NAV2: variants seen among roughly 807,000 people sequenced by gnomAD.
The protein encoded by NAV2 is neuron navigator 2.
NAV2 carries 54 observed loss-of-function variants against 223.2 expected under a neutral mutation model. The observed-to-expected ratio is 0.24, with a 90% confidence interval of 0.19 to 0.30. NAV2 has a LOEUF of 0.30. Ranked by LOEUF, NAV2 falls within the 10% of genes least tolerant of loss-of-function variation. The probability of loss-of-function intolerance (pLI) is 1.00; values close to 1 mark genes in which losing one functional copy is unlikely to be tolerated. For synonymous variants in NAV2, 1,279 were observed against 1,239.3 expected (o/e 1.03, Z -0.67); for missense variants, 2,806 against 3,147.5 (o/e 0.89, Z 2.60).
chr11:19,942,535 A>G (rs2046486229), intron 8 of NAV2, among the ~76,000 whole-genome samples: 1 of 152,226 alleles, frequency 6.6e-6, no homozygotes. Flanking sequence ...CATTGCCACA[A>G]TTTAAATATT....
intron 6 of NAV2, among the ~76,000 whole-genome samples, chr11:19,912,063 C>T (rs1472147223): frequency 1.3e-5 from 2 of 152,196 alleles, no homozygotes; most frequent in African/African-American, 4.8e-5. Flanking sequence ...TACTAGGTTA[C>T]ATCCTGACTT....
At chr11:19,743,785 A>C (rs1446030798) in intron 1 of NAV2, among the ~76,000 whole-genome samples, 1 of 152,252 alleles carries the variant, frequency 6.6e-6, no homozygotes. Context: ...TCATCCCGGC[A>C]GCTTCTCACT....
chr11:20,102,452 A>G (rs2061706503), intron 32 of NAV2, among the ~76,000 whole-genome samples: 1 of 152,054 alleles, frequency 6.6e-6, no homozygotes, highest in Non-Finnish European at 1.5e-5. Flanking sequence ...CTCTCAGGCC[A>G]GGCACCTTAT....
chr11:19,970,654 A>G (rs1251506420), intron 10 of NAV2, among the ~76,000 whole-genome samples: 1 of 152,186 alleles, frequency 6.6e-6, no homozygotes, highest in Non-Finnish European at 1.5e-5. Flanking sequence ...GCACAAGAAG[A>G]AAGACAAGCC....
intron 6 of NAV2, among the ~76,000 whole-genome samples, chr11:19,926,341 T>A (rs2044748909): frequency 6.6e-6 from 1 of 152,178 alleles, no homozygotes; most frequent in African/African-American, 2.4e-5. Flanking sequence ...CCATTCTTTG[T>A]TTGTCCTCGT....
chr11:20,017,553 TA>T (rs2054117581), intron 11 of NAV2, among the ~76,000 whole-genome samples: 1 of 152,236 alleles, frequency 6.6e-6, no homozygotes, highest in Non-Finnish European at 1.5e-5. Context: ...GTAACATCCA[TA>T]ATGATTTTGC....
intron 11 of NAV2, among the ~76,000 whole-genome samples, chr11:20,014,035 A>G (rs986836478): frequency 2.0e-5 from 3 of 152,234 alleles, no homozygotes; most frequent in Non-Finnish European, 4.4e-5. Context: ...TGAGGGCTGC[A>G]TGACCGGGGC....
In NAV2 at chr11:19,643,132, A is replaced by C. The variant is rs1249424658; in HGVS notation, c.76-189352A>C. Among the ~76,000 whole-genome samples the C allele has an allele frequency of 3.9e-5, 6 of 152,256 alleles. No individual in the cohort carries two copies. In the South Asian group the frequency reaches 1.2e-3, roughly 32 times the overall value. Reference sequence around the variant, plus strand: ...ATCCTATACACAATTATATATATACATGCCACAGGATGGATGTATTTGCTC... The same window carrying C: ...ATCCTATACACAATTATATATATACCTGCCACAGGATGGATGTATTTGCTC... On this transcript the variant is annotated intron_variant, in intron 1 of 37. Coordinates refer to the NAV2 transcript ENST00000360655.
At chr11:20,103,017 A>C (rs547820235) in intron 32 of NAV2, among the ~76,000 whole-genome samples, 102 of 152,278 alleles carry the variant, frequency 6.7e-4, no homozygotes, top group African/African-American at 2.3e-3. Flanking sequence ...GTTTCCACTC[A>C]TCAGGTGAAT....
intron 1 of NAV2, among the ~76,000 whole-genome samples, chr11:19,801,561 G>A (rs975916126): frequency 1.3e-5 from 2 of 152,190 alleles, no homozygotes; most frequent in Non-Finnish European, 2.9e-5. Flanking sequence ...CCACCTGAAA[G>A]TGGAAGTATA....
intron 11 of NAV2, among the ~76,000 whole-genome samples, chr11:20,030,015 T>G (rs943635093): frequency 2.6e-5 from 4 of 152,240 alleles, no homozygotes; most frequent in Non-Finnish European, 4.4e-5. Flanking sequence ...TGTGATAGGC[T>G]GTCTTAAAAT....
chr11:19,755,720 T>C (rs1376489466), intron 1 of NAV2, among the ~76,000 whole-genome samples: 1 of 152,246 alleles, frequency 6.6e-6, no homozygotes, highest in African/African-American at 2.4e-5. Context: ...AGCCTTGTTA[T>C]AAGGACACCA....
At chr11:19,968,184 A>T (rs10741806) in intron 10 of NAV2, among the ~76,000 whole-genome samples, 98,713 of 151,810 alleles carry the variant, frequency 0.65, 32,919 homozygotes, top group Middle Eastern at 0.76. Context: ...GTTGTTGTTG[A>T]TGTAGTTTTG....
At chr11:19,607,257 G>C (rs1234133461) in intron 1 of NAV2, among the ~76,000 whole-genome samples, 1 of 152,194 alleles carries the variant, frequency 6.6e-6, no homozygotes, top group East Asian at 1.9e-4. Flanking sequence ...TTCTTTCTCA[G>C]ATCTTCCACT....
At chr11:19,382,352 G>A (rs1848873331) in intron 1 of NAV2, among the ~76,000 whole-genome samples, 3 of 152,188 alleles carry the variant, frequency 2.0e-5, no homozygotes, top group Admixed American at 2.0e-4. Flanking sequence ...ATGAGAGCCT[G>A]GAATTGTTGC....
At chr11:19,789,623 C>T (rs1271679539) in intron 1 of NAV2, among the ~76,000 whole-genome samples, 3 of 152,074 alleles carry the variant, frequency 2.0e-5, no homozygotes, top group Admixed American at 6.5e-5. Flanking sequence ...CAGGTCTTAT[C>T]GTGAAAATGA....
At chr11:19,397,459 C>G (rs2133275204) in intron 1 of NAV2, among the ~76,000 whole-genome samples, 1 of 140,094 alleles carries the variant, frequency 7.1e-6, no homozygotes, top group East Asian at 2.2e-4. Flanking sequence ...TTGTGTCTGC[C>G]TCCTGAAAGG....
Position 19,497,575 on chromosome 11 carries a change from C to T in NAV2, c.75+146548C>T, listed in dbSNP as rs573811257. 8.1e-4 allele frequency among the ~76,000 whole-genome samples: 124 copies of T among 152,260 alleles called. No homozygotes were observed. In the Middle Eastern group the frequency reaches 0.014, roughly 17 times the overall value. On this transcript the variant is annotated intron_variant, in intron 1 of 37. Transcript: ENST00000360655. ...TCTTCCTATTTTCAGTATATTGTCC[C>T]TACTCATCCATGGTTAGACAAACAG...
At chr11:19,449,762 C>A (rs1048648031) in intron 1 of NAV2, among the ~76,000 whole-genome samples, 1 of 152,122 alleles carries the variant, frequency 6.6e-6, no homozygotes, top group Non-Finnish European at 1.5e-5. Flanking sequence ...TCTATGTCCG[C>A]AGTGCCTGGC....
Sources: gnomAD v4.1 joint callset for allele counts (sites outside exome capture counted in the v4.1 genomes callset) on GRCh38, gnomAD v4.1.1 for gene constraint, MANE v1.5 for transcripts, NCBI Gene and HGNC (gene_info 2026-07-23, HGNC 2026-07-21) for gene names.